NFASC: variants seen among roughly 807,000 people sequenced by gnomAD.
NFASC encodes neurofascin homolog.
Under a neutral mutation model 147.5 loss-of-function variants are expected in NFASC, and 43 were observed. The observed-to-expected ratio is 0.29, with a 90% confidence interval of 0.23 to 0.38. The LOEUF (loss-of-function observed/expected upper bound fraction) is 0.38. Among genes scored for constraint, NFASC ranks in the 10% least tolerant of loss-of-function variants. The pLI is 1.00. For missense variants in NFASC, 1,320 were observed against 1,689.0 expected (o/e 0.78, Z 3.83); for synonymous variants, 622 against 665.5 (o/e 0.93, Z 1.01).
intron 1 of NFASC, among the ~76,000 whole-genome samples, chr1:204,881,917 G>A (rs2080320728): frequency 1.3e-5 from 2 of 152,062 alleles, no homozygotes; most frequent in Admixed American, 1.3e-4. Context: ...CCACTCCCCA[G>A]GTGATGTCTG....
intron 2 of NFASC, among the ~76,000 whole-genome samples, chr1:204,923,772 C>T (rs564831743): frequency 3.0e-4 from 46 of 152,276 alleles, no homozygotes; most frequent in Non-Finnish European, 5.6e-4. Context: ...CTGTGGGCAC[C>T]GAGACCTGTA....
At chr1:204,862,995 C>G (rs1426349248) in intron 1 of NFASC, among the ~76,000 whole-genome samples, 1 of 152,200 alleles carries the variant, frequency 6.6e-6, no homozygotes, top group African/African-American at 2.4e-5. Flanking sequence ...GGATGTGGTG[C>G]TTTTCCTCCT....
chr1:204,860,262 C>T (rs1203329737), intron 1 of NFASC, among the ~76,000 whole-genome samples: 2 of 152,214 alleles, frequency 1.3e-5, no homozygotes, highest in Non-Finnish European at 2.9e-5. Flanking sequence ...ATCTCAGGAA[C>T]TGTTCCTGCT....
At chr1:204,880,787 G>A (rs2080042873) in intron 1 of NFASC, among the ~76,000 whole-genome samples, 1 of 152,164 alleles carries the variant, frequency 6.6e-6, no homozygotes, top group African/African-American at 2.4e-5. Context: ...GTTCCCAGGT[G>A]TTTCAAAAGC....
At chr1:204,847,940 TAAG>T (rs1474061281) in intron 1 of NFASC, among the ~76,000 whole-genome samples, 1 of 152,166 alleles carries the variant, frequency 6.6e-6, no homozygotes, top group Non-Finnish European at 1.5e-5. Flanking sequence ...ATGGTGTTGA[TAAG>T]AAGATGGATA....
intron 1 of NFASC, among the ~76,000 whole-genome samples, chr1:204,885,129 T>C (rs750344000): frequency 1.3e-5 from 2 of 152,042 alleles, no homozygotes; most frequent in African/African-American, 2.4e-5. Context: ...TTTTTTAATA[T>C]GTAAAATAAA....
In NFASC at chr1:204,956,782, G is replaced by T. The variant is rs140481722; in HGVS notation, c.536-874G>T. Among the ~76,000 whole-genome samples, 267 of 152,210 alleles carry T rather than the reference G, an allele frequency of 1.8e-3. 3 individuals carry two copies. The highest frequency in any genetic ancestry group is 5.2e-3 in the African/African-American group (216 of 41,536). On this transcript the variant is annotated intron_variant, in intron 7 of 29. Transcript: ENST00000339876. ...CATTAACCTTGTGCTTTAAGAAATG[G>T]TGACTTAAAAAACAATTGTGGGGAT...
intron 10 of NFASC, among the ~76,000 whole-genome samples, chr1:204,969,710 G>C (rs562692765): frequency 6.6e-6 from 1 of 152,142 alleles, no homozygotes; most frequent in Non-Finnish European, 1.5e-5. Context: ...GATCTGAAAG[G>C]CTCACTTCTC....
At chr1:204,947,958 T>C (rs2093879653) in intron 3 of NFASC, among the ~76,000 whole-genome samples, 1 of 151,656 alleles carries the variant, frequency 6.6e-6, no homozygotes, top group African/African-American at 2.4e-5. Flanking sequence ...CCTCACATGC[T>C]CACACTCATG....
chr1:204,907,727 T>G (rs1026153215), intron 1 of NFASC, among the ~76,000 whole-genome samples: 2 of 152,214 alleles, frequency 1.3e-5, no homozygotes, highest in Non-Finnish European at 2.9e-5. Context: ...CAGGTCCAGT[T>G]ATACTAAAAT....
At chr1:204,960,967 G>T (rs1005918888) in intron 8 of NFASC, among the ~76,000 whole-genome samples, 1 of 152,188 alleles carries the variant, frequency 6.6e-6, no homozygotes, top group Non-Finnish European at 1.5e-5. Context: ...AGTTGTAATG[G>T]GATTGGATCT....
intron 2 of NFASC, among the ~76,000 whole-genome samples, chr1:204,926,787 A>C (rs2091682805): frequency 2.0e-5 from 3 of 151,790 alleles, no homozygotes; most frequent in Admixed American, 2.0e-4. Flanking sequence ...AAATTATAGA[A>C]TTCAGGCTGG....
rs757267713 is a variant in NFASC at position 204,968,392 on chromosome 1, A to AC, written c.818+35dup. 6 of 1,522,862 alleles carry AC rather than the reference A, an allele frequency of 3.9e-6. No homozygotes were observed. In the East Asian group the frequency reaches 9.0e-5, roughly 23 times the overall value. 94.3% of individuals were successfully genotyped at this position (1,522,862 alleles called of 1,614,324 possible). A position where few individuals can be genotyped will look rare whatever the true frequency, so the allele number is the denominator to read the frequency against. On this transcript the variant is annotated intron_variant, in intron 9 of 29. Coordinates refer to ENST00000339876, the MANE Select transcript of NFASC (RefSeq NM_001005388.3). This position sits in a 1 kb window ranked among gnomAD's most constrained non-coding sequence, Gnocchi z 5.4. ...GCGGTTTGCAGCCCCTCTTCTAGCCACCCTCCAGGAGGATGGGGATGGGAG... is the reference window on the plus strand; with the variant it reads ...GCGGTTTGCAGCCCCTCTTCTAGCCACCCCTCCAGGAGGATGGGGATGGGAG...
chr1:204,989,629 G>T (rs1403514697), intron 23 of NFASC: 1 of 152,238 alleles, frequency 6.6e-6, no homozygotes, highest in Admixed American at 6.5e-5. Flanking sequence ...TGTCTCCAGA[G>T]ATACAATGGT....
Position 204,877,083 on chromosome 1 carries a change from ATATT to A in NFASC, c.-199-43541_-199-43538del, listed in dbSNP as rs1243612900. Among the ~76,000 whole-genome samples the A allele has an allele frequency of 1.6e-4, 20 of 122,008 alleles. 1 individual carries two copies. The highest frequency in any genetic ancestry group is 1.8e-4 in the Non-Finnish European group (11 of 60,510). 80.0% of individuals were successfully genotyped at this position (122,008 alleles called of 152,430 possible). A position where few individuals can be genotyped will look rare whatever the true frequency, so the allele number is the denominator to read the frequency against. On this transcript the variant is annotated intron_variant, in intron 1 of 29. Coordinates refer to ENST00000339876, the MANE Select transcript of NFASC (RefSeq NM_001005388.3). ...ATTTATATATTTATATATATATAAT[ATATT>A]TATTTATATATTTATATATAAATAA...
At chr1:204,892,989 G>A (rs183638298) in intron 1 of NFASC, among the ~76,000 whole-genome samples, 1 of 152,156 alleles carries the variant, frequency 6.6e-6, no homozygotes, top group East Asian at 1.9e-4. Flanking sequence ...ATGTTGTTAG[G>A]AAGCAAAAAA....
rs1314265691 is a variant in NFASC at position 204,980,262 on chromosome 1, G to T, written c.2177-108G>T. 4 of 817,142 alleles carry T rather than the reference G, an allele frequency of 4.9e-6. No individual in the cohort carries two copies. In the East Asian group the frequency reaches 1.0e-4, roughly 21 times the overall value. 50.6% of individuals were successfully genotyped at this position (817,142 alleles called of 1,614,324 possible). A position where few individuals can be genotyped will look rare whatever the true frequency, so the allele number is the denominator to read the frequency against. On this transcript the variant is annotated intron_variant, in intron 19 of 29. Transcript: ENST00000339876. ...ACCAAGCGTATACATAGATGCCGAG[G>T]AAAGACAGAGCATAGAACAGACCCA...
At chr1:204,877,028 A>ATATAAT (rs71147719) in intron 1 of NFASC, among the ~76,000 whole-genome samples, 1 of 84,552 alleles carries the variant, frequency 1.2e-5, no homozygotes, top group Non-Finnish European at 1.9e-5. Flanking sequence ...ATATATATAT[A>ATATAAT]ATATATATTT....
intron 2 of NFASC, among the ~76,000 whole-genome samples, chr1:204,940,272 G>C (rs1216110089): frequency 6.6e-6 from 1 of 152,172 alleles, no homozygotes; most frequent in African/African-American, 2.4e-5. Context: ...GGGCAACATG[G>C]TCAAACTCTG....
Sources: allele counts gnomAD v4.1 joint callset (sites outside exome capture counted in the v4.1 genomes callset), GRCh38; gene constraint gnomAD v4.1.1; non-coding constraint Gnocchi (gnomAD v3.1); transcripts MANE v1.5; gene names NCBI Gene and HGNC (gene_info 2026-07-23, HGNC 2026-07-21).